Variants in GPHN observed in about 807,000 individuals in gnomAD.
GPHN encodes the protein gephyrin.
Under a neutral mutation model 95.5 loss-of-function variants are expected in GPHN, and 17 were observed. That is an observed-to-expected ratio of 0.18 (90% CI 0.12 to 0.27). The LOEUF is 0.27. Ranked by LOEUF, GPHN falls within the 10% of genes least tolerant of loss-of-function variation. The probability of loss-of-function intolerance (pLI) is 1.00; values close to 1 mark genes in which losing one functional copy is unlikely to be tolerated. For synonymous variants in GPHN, 320 were observed against 322.5 expected (o/e 0.99, Z 0.08); for missense variants, 660 against 978.1 (o/e 0.67, Z 4.34).
the GPHN span, among the ~76,000 whole-genome samples, chr14:67,370,075 G>C: frequency 6.6e-6 from 1 of 152,238 alleles, no homozygotes; most frequent in Non-Finnish European, 1.5e-5. Flanking sequence ...ATGAAGGGAT[G>C]GGCCGAATTA....
chr14:67,723,465 G>T, the GPHN span, among the ~76,000 whole-genome samples: 1 of 152,140 alleles, frequency 6.6e-6, no homozygotes, highest in South Asian at 2.1e-4. Context: ...AAACTCCTGG[G>T]CTTAAGCGAC....
intron 2 of GPHN, among the ~76,000 whole-genome samples, chr14:66,700,983 T>C (rs1407620260): frequency 6.6e-6 from 1 of 152,188 alleles, no homozygotes; most frequent in Admixed American, 6.5e-5. Context: ...CTATTTGAAA[T>C]TTGCTTATGA....
the GPHN span, among the ~76,000 whole-genome samples, chr14:67,240,295 G>A: frequency 2.6e-5 from 4 of 152,152 alleles, no homozygotes; most frequent in African/African-American, 4.8e-5. Flanking sequence ...ACAACCCATA[G>A]GCTGTCCAGA....
chr14:67,428,407 A>C, the GPHN span, among the ~76,000 whole-genome samples: 1 of 152,270 alleles, frequency 6.6e-6, no homozygotes, highest in Non-Finnish European at 1.5e-5. Context: ...CACTTAGAGC[A>C]CTTATGTGCC....
chr14:67,314,364 T>C, the GPHN span, among the ~76,000 whole-genome samples: 1 of 152,224 alleles, frequency 6.6e-6, no homozygotes, highest in Non-Finnish European at 1.5e-5. Flanking sequence ...ATATTTACAT[T>C]TATTCTTTTT....
chr14:66,733,192 T>G (rs923858363), intron 2 of GPHN, among the ~76,000 whole-genome samples: 1 of 151,956 alleles, frequency 6.6e-6, no homozygotes, highest in African/African-American at 2.4e-5. Flanking sequence ...TCCCTGCTTG[T>G]GCTAGGTCTC....
intron 4 of GPHN, among the ~76,000 whole-genome samples, chr14:66,851,701 C>T (rs1005361712): frequency 3.9e-5 from 6 of 151,916 alleles, no homozygotes; most frequent in African/African-American, 1.5e-4. Flanking sequence ...ATGGAGGATA[C>T]CTTTGTCATA....
the GPHN span, among the ~76,000 whole-genome samples, chr14:67,558,660 CAA>C: frequency 6.6e-6 from 1 of 152,126 alleles, no homozygotes; most frequent in African/African-American, 2.4e-5. Flanking sequence ...TTTTGTGAGT[CAA>C]GAGACCTGGT....
At chr14:66,760,933 C>G in intron 2 of GPHN, 4 of 923,676 alleles carry the variant, frequency 4.3e-6, no homozygotes, top group Non-Finnish European at 6.7e-6. Flanking sequence ...CTTATCCGAG[C>G]CTCTTTTGCA....
chr14:67,390,354 C>T, the GPHN span, among the ~76,000 whole-genome samples: 9 of 152,092 alleles, frequency 5.9e-5, no homozygotes, highest in Non-Finnish European at 1.5e-5. Flanking sequence ...GTCAGCCTAC[C>T]TCATCCTCCC....
chr14:67,176,073 T>C (rs1263199371), intron 21 of GPHN, among the ~76,000 whole-genome samples: 2 of 152,160 alleles, frequency 1.3e-5, no homozygotes, highest in African/African-American at 4.8e-5. Flanking sequence ...TTTATTGCTT[T>C]CTCTTGCCTG....
In GPHN at chr14:66,726,919, A is replaced by AT. The variant is rs532992068; in HGVS notation, c.143+45735dup. 9.8e-5 allele frequency among the ~76,000 whole-genome samples: 15 copies of AT among 152,342 alleles called. No individual in the cohort carries two copies. In the South Asian group the frequency reaches 3.1e-3, roughly 32 times the overall value. On this transcript the variant is annotated intron_variant, in intron 2 of 22. Coordinates refer to ENST00000478722, the MANE Select transcript of GPHN (RefSeq NM_020806.5). Reference sequence around the variant, plus strand: ...TCTTTATGCTACGAATATAAGGTATATATGAAACATAAATGAATTTTGTGT... The same window carrying AT: ...TCTTTATGCTACGAATATAAGGTATATTATGAAACATAAATGAATTTTGTGT...
the GPHN span, among the ~76,000 whole-genome samples, chr14:67,435,489 T>C: frequency 6.6e-6 from 1 of 152,204 alleles, no homozygotes; most frequent in Admixed American, 6.5e-5. Flanking sequence ...ACAGCCCCTG[T>C]CTGAGATGCC....
chr14:66,741,260 T>G (rs2072766795), intron 2 of GPHN, among the ~76,000 whole-genome samples: 1 of 152,332 alleles, frequency 6.6e-6, no homozygotes, highest in African/African-American at 2.4e-5. Context: ...TAGCAATATT[T>G]ATGAGATAAA....
the GPHN span, chr14:67,727,283 G>A: frequency 2.7e-5 from 24 of 898,498 alleles, no homozygotes; most frequent in East Asian, 3.4e-4. Flanking sequence ...AAACATGCAC[G>A]TGTCAGTAAT....
the GPHN span, among the ~76,000 whole-genome samples, chr14:67,721,064 AAC>A: frequency 6.6e-6 from 1 of 152,232 alleles, no homozygotes; most frequent in Non-Finnish European, 1.5e-5. Flanking sequence ...GGTGCAGAGA[AAC>A]ACTCAGTAAA....
intron 2 of GPHN, among the ~76,000 whole-genome samples, chr14:66,711,028 G>C (rs867292204): frequency 6.6e-6 from 1 of 151,998 alleles, no homozygotes; most frequent in Non-Finnish European, 1.5e-5. Context: ...GTACAAATTT[G>C]TTTTTTTATG....
At chr14:67,039,063 GTACA>G (rs1317951899) in intron 10 of GPHN, among the ~76,000 whole-genome samples, 1 of 152,084 alleles carries the variant, frequency 6.6e-6, no homozygotes, top group Non-Finnish European at 1.5e-5. Flanking sequence ...ACATTTTAAA[GTACA>G]TACTACTTTT....
At chr14:67,485,495 A>G in the GPHN span, among the ~76,000 whole-genome samples, 2 of 152,210 alleles carry the variant, frequency 1.3e-5, no homozygotes, top group Non-Finnish European at 2.9e-5. Flanking sequence ...AAATTCCTGC[A>G]TGGAATCTGA....
Sources: allele counts gnomAD v4.1 joint callset (sites outside exome capture counted in the v4.1 genomes callset), GRCh38; gene constraint gnomAD v4.1.1; transcripts MANE v1.5; gene names NCBI Gene and HGNC (gene_info 2026-07-23, HGNC 2026-07-21).